The following KLHL32 variants were observed in gnomAD, a reference collection of about 807,000 sequenced individuals.
KLHL32 encodes kelch like family member 32.
A neutral mutation model predicts 64.8 loss-of-function variants in KLHL32; 35 were observed. The observed-to-expected ratio is 0.54, with a 90% CI of 0.41 to 0.72. The LOEUF (loss-of-function observed/expected upper bound fraction) is 0.72, where lower values mean the gene tolerates loss of function less well. Ranked by LOEUF, KLHL32 falls within the 30% of genes least tolerant of loss-of-function variation. KLHL32 has a pLI of 0.00. For missense variants in KLHL32, 589 were observed against 768.5 expected, an observed-to-expected ratio of 0.77 and a Z score of 2.76; for synonymous variants, 259 against 281.0, an observed-to-expected ratio of 0.92 and a Z score of 0.78.
At chr6:96,981,200 A>C (rs962987518) in intron 3 of KLHL32, among the ~76,000 whole-genome samples, 1 of 152,152 alleles carries the variant, frequency 6.6e-6, no homozygotes, top group Non-Finnish European at 1.5e-5. Flanking sequence ...AAGCCAAACC[A>C]TATCAGTAGG....
intron 8 of KLHL32, among the ~76,000 whole-genome samples, chr6:97,129,565 C>T (rs1240564910): frequency 2.0e-5 from 3 of 152,146 alleles, no homozygotes; most frequent in Non-Finnish European, 4.4e-5. Flanking sequence ...GAAGGTTTCA[C>T]TATTCCCTAA....
intron 4 of KLHL32, among the ~76,000 whole-genome samples, chr6:97,051,810 T>C (rs1582852230): frequency 6.6e-6 from 1 of 152,306 alleles, no homozygotes; most frequent in Non-Finnish European, 1.5e-5. Context: ...TATCAGCCTA[T>C]TGATGGATTT....
At chr6:97,125,910 A>G (rs1053645267) in intron 7 of KLHL32, among the ~76,000 whole-genome samples, 1 of 152,236 alleles carries the variant, frequency 6.6e-6, no homozygotes, top group Non-Finnish European at 1.5e-5. Context: ...AAAACTGGCA[A>G]GCAGCTTTTA....
At chr6:96,966,879 C>T (rs1310188953) in intron 1 of KLHL32, 117 bp from the exon 2 acceptor site, 4 of 562,566 alleles carry the variant, frequency 7.1e-6, no homozygotes, top group African/African-American at 5.5e-5. Flanking sequence ...TTTATGTGGA[C>T]AGTAAAGCTC....
chr6:97,014,099 G>A (rs976240436), intron 3 of KLHL32, among the ~76,000 whole-genome samples: 6 of 151,940 alleles, frequency 3.9e-5, no homozygotes, highest in Admixed American at 2.6e-4. Flanking sequence ...GAGGTCAGGA[G>A]ATCAAGACCA....
At chr6:97,051,344 A>C (rs1786868988) in intron 4 of KLHL32, among the ~76,000 whole-genome samples, 1 of 152,214 alleles carries the variant, frequency 6.6e-6, no homozygotes, top group African/African-American at 2.4e-5. Flanking sequence ...GGGAATAGAA[A>C]AAGAAATATT....
the KLHL32 span, among the ~76,000 whole-genome samples, chr6:96,909,386 A>G: frequency 0.011 from 1,654 of 152,278 alleles, 36 homozygotes; most frequent in African/African-American, 0.038. Context: ...CTTGGGACCC[A>G]GTTTTTAGAT....
At chr6:96,913,979 A>C in the KLHL32 span, among the ~76,000 whole-genome samples, 1 of 152,208 alleles carries the variant, frequency 6.6e-6, no homozygotes, top group African/African-American at 2.4e-5. Context: ...TGGATTATCC[A>C]GGGGACTCAA....
rs542530933 is a variant in KLHL32, at chr6:97,073,208, A to G, written c.411+8482A>G. Among the ~76,000 whole-genome samples the G allele has an allele frequency of 5.1e-4, 78 of 152,302 alleles. 1 individual carries two copies. The South Asian group carries it at 0.015, about 30-fold the overall frequency. ...CAAATTTTCTGCCTACTTCAAATTGACAACCTATTGGACAAATCTGTTCCT... is the reference window on the plus strand; with the variant it reads ...CAAATTTTCTGCCTACTTCAAATTGGCAACCTATTGGACAAATCTGTTCCT... On this transcript the variant is annotated intron_variant, in intron 5 of 10. Transcript: ENST00000369261.
Position 96,976,214 on chromosome 6 carries a change from T to A in KLHL32, c.204+37T>A, listed in dbSNP as rs1775673729. ...TTGTTTGTTTCTCGTAAAATATTGATAAAGAGAGGATGACAATGTTTCCCA... is the reference window on the plus strand; with the variant it reads ...TTGTTTGTTTCTCGTAAAATATTGAAAAAGAGAGGATGACAATGTTTCCCA... On this transcript the variant is annotated intron_variant, in intron 3 of 10. Coordinates refer to ENST00000369261, the MANE Select transcript of KLHL32 (RefSeq NM_052904.4). The A allele has an allele frequency of 3.4e-6, 5 of 1,488,980 alleles. No homozygotes were observed. The African/African-American group carries it at 7.0e-5, about 21-fold the overall frequency. The allele number at this position is 1,488,980 out of a possible 1,614,324, so 92.2% of individuals were successfully genotyped here. A position where few individuals can be genotyped will look rare whatever the true frequency, so the allele number is the denominator to read the frequency against.
At chr6:97,028,009 T>C (rs1028979532) in intron 3 of KLHL32, among the ~76,000 whole-genome samples, 1 of 152,210 alleles carries the variant, frequency 6.6e-6, no homozygotes, top group African/African-American at 2.4e-5. Context: ...AAGGTTTTAC[T>C]AATATTTCTC....
chr6:96,997,467 G>GC (rs1214004680), intron 3 of KLHL32, among the ~76,000 whole-genome samples: 15 of 152,094 alleles, frequency 9.9e-5, no homozygotes, highest in Non-Finnish European at 2.2e-4. Context: ...CTTGAAGGTG[G>GC]CCAGGCATGG....
At chr6:97,104,631 C>CTA (rs1476934760) in intron 6 of KLHL32, among the ~76,000 whole-genome samples, 1 of 152,072 alleles carries the variant, frequency 6.6e-6, no homozygotes, top group Non-Finnish European at 1.5e-5. Flanking sequence ...AAAAAATAGC[C>CTA]TATGTGTCTT....
chr6:97,064,506 T>C lies in KLHL32; in HGVS notation c.313-122T>C, dbSNP rs138965259. ...AACTGACTTCCATAAAAAGGAACAG[T>C]GTTAATTGAAATAGAGTACGTAAAG... is the stretch of plus-strand genomic sequence containing the variant. On this transcript the variant is annotated intron_variant, in intron 4 of 10. Transcript: ENST00000369261. 2.7e-3 allele frequency: 1,848 copies of C among 676,972 alleles called. 29 individuals are homozygous for C. In the African/African-American group the frequency reaches 0.03, roughly 11 times the overall value. 41.9% of individuals were successfully genotyped at this position (676,972 alleles called of 1,614,324 possible). A position where few individuals can be genotyped will look rare whatever the true frequency, so the allele number is the denominator to read the frequency against.
intron 2 of KLHL32, among the ~76,000 whole-genome samples, chr6:96,973,320 G>A (rs1582535898): frequency 6.6e-6 from 1 of 152,250 alleles, no homozygotes; most frequent in South Asian, 2.1e-4. Flanking sequence ...TACCGATTCA[G>A]TCTTAATAAT....
chr6:96,990,179 C>T lies in KLHL32; in HGVS notation c.204+14002C>T, dbSNP rs73494849. Among the ~76,000 whole-genome samples the T allele has an allele frequency of 7.5e-3, 1,141 of 152,232 alleles. 13 individuals are homozygous for T. Among genetic ancestry groups the T allele is most frequent in the African/African-American group, 0.026 (1,093 of 41,520 alleles). On this transcript the variant is annotated intron_variant, in intron 3 of 10. Coordinates refer to ENST00000369261, the MANE Select transcript of KLHL32 (RefSeq NM_052904.4). ...AAGACACTCTGGCTTTTTGACTTGC[C>T]AGAGTTTTTGTACTAGTTCTTTCTT...
intron 3 of KLHL32, among the ~76,000 whole-genome samples, chr6:97,007,958 C>A (rs967529752): frequency 1.8e-4 from 28 of 152,220 alleles, no homozygotes; most frequent in African/African-American, 6.8e-4. Flanking sequence ...TTTGTGCTCG[C>A]TTGCACATGC....
chr6:96,999,571 A>AT, intron 3 of KLHL32: 3 of 959,836 alleles, frequency 3.1e-6, no homozygotes, highest in Non-Finnish European at 3.7e-6. Flanking sequence ...TATTAGGACC[A>AT]TTTTTTCCCT....
chr6:96,964,683 A>T (rs1488608592), intron 1 of KLHL32, among the ~76,000 whole-genome samples: 1 of 152,138 alleles, frequency 6.6e-6, no homozygotes, highest in African/African-American at 2.4e-5. Flanking sequence ...ACAAAAACAA[A>T]TGTGTTTGCT....
Sources: gnomAD v4.1 joint callset for allele counts (sites outside exome capture counted in the v4.1 genomes callset) on GRCh38, gnomAD v4.1.1 for gene constraint, MANE v1.5 for transcripts, NCBI Gene and HGNC (gene_info 2026-07-23, HGNC 2026-07-21) for gene names.